FREM1: variants seen among roughly 807,000 people sequenced by gnomAD.
FREM1 encodes the protein FRAS1-related extracellular matrix protein 1.
Under a neutral mutation model 210.1 loss-of-function variants are expected in FREM1, and 220 were observed. The ratio of observed to expected loss-of-function variants is 1.05; its 90% CI spans 0.94 to 1.17. The LOEUF (loss-of-function observed/expected upper bound fraction) is 1.17. Among genes scored for constraint, FREM1 ranks in the 50% most tolerant of loss-of-function variants. The probability of loss-of-function intolerance (pLI) is 0.00; values close to 1 mark genes in which losing one functional copy is unlikely to be tolerated. For synonymous variants in FREM1, 1,189 were observed against 980.2 expected, an observed-to-expected ratio of 1.21 and a Z score of -3.98; for missense variants, 3,454 against 2,675.5, an observed-to-expected ratio of 1.29 and a Z score of -6.42.
chr9:14,860,780 TACATATATACATATATAC>T lies in FREM1; in HGVS notation c.330-1314_330-1297del, dbSNP rs1296092637. ...ATATATGCACATATATACACATATA[TACATATATACATATATAC>T]ACATATATACATATATACACATATA... On this transcript the variant is annotated intron_variant, in intron 3 of 36. Transcript: ENST00000380880. Among the ~76,000 whole-genome samples the T allele has an allele frequency of 6.4e-4, 55 of 85,780 alleles. 6 individuals are homozygous for T. The highest frequency in any genetic ancestry group is 2.9e-4 in the Non-Finnish European group (14 of 47,996). The allele number at this position is 85,780 out of a possible 152,430, so 56.3% of individuals were successfully genotyped here. A position where few individuals can be genotyped will look rare whatever the true frequency, so the allele number is the denominator to read the frequency against.
At position 14,746,379 on chromosome 9, in the gene FREM1, A is replaced by G. The variant is rs772270559; in HGVS notation, c.6228T>C (p.Asn2076=). 6 of 1,613,714 alleles carry G rather than the reference A, an allele frequency of 3.7e-6. No individual in the cohort carries two copies. Among genetic ancestry groups the G allele is most frequent in the South Asian group, 2.2e-5 (2 of 91,076 alleles). ...GTTCCCTGCAAGCTTGGGCAGCCGC[A>G]TTCCAGGTGCCTTTCTGCTCTGTGA... ...ILITEQKGTW[N]AAAQACREQY... is the part of the protein sequence containing the mutation. The change falls in exon 35 of 37, where the codon AAT becomes AAC. Residue 2076 remains asparagine, a synonymous_variant. Transcript: ENST00000380880.
intron 28 of FREM1, among the ~76,000 whole-genome samples, chr9:14,756,975 G>A (rs1056196550): frequency 6.6e-6 from 1 of 152,132 alleles, no homozygotes; most frequent in Admixed American, 6.5e-5. Context: ...TTCCTGTCTG[G>A]ATGAAGCCAT....
At chr9:14,738,781 A>G (rs1472557606) in intron 36 of FREM1, among the ~76,000 whole-genome samples, 1 of 152,056 alleles carries the variant, frequency 6.6e-6, no homozygotes, top group Non-Finnish European at 1.5e-5. Context: ...AGACCGAGGC[A>G]GGTGGATCAC....
chr9:14,831,236 A>G (rs780602713), intron 10 of FREM1, among the ~76,000 whole-genome samples: 12 of 152,080 alleles, frequency 7.9e-5, no homozygotes, highest in Non-Finnish European at 1.3e-4. Context: ...AACCTCAACT[A>G]TCCTGTTGCA....
chr9:14,747,822 G>T, intron 31 of FREM1, 94 bp from the exon 32 acceptor site: 1 of 672,830 alleles, frequency 1.5e-6, no homozygotes, highest in South Asian at 2.3e-5. Context: ...GCTAATGTCT[G>T]AACAATTACA....
intron 6 of FREM1, 23 bp downstream of exon 6, chr9:14,851,261 G>T: frequency 6.5e-7 from 1 of 1,533,476 alleles, no homozygotes; most frequent in East Asian, 2.3e-5. Context: ...AACTAGGCTG[G>T]AAGCTTTGTC....
intron 27 of FREM1, among the ~76,000 whole-genome samples, chr9:14,764,707 G>A (rs78029897): frequency 0.023 from 3,430 of 152,230 alleles, 69 homozygotes; most frequent in Non-Finnish European, 0.028. Context: ...CTGTGACACC[G>A]AATGGTCTGT....
intron 15 of FREM1, among the ~76,000 whole-genome samples, chr9:14,813,386 C>G (rs895108608): frequency 2.0e-5 from 3 of 152,168 alleles, no homozygotes; most frequent in Admixed American, 6.5e-5. Context: ...AGCCCCTATC[C>G]TCTTTCATTA....
At chr9:14,743,642 G>A (rs775313616) in intron 35 of FREM1, among the ~76,000 whole-genome samples, 20 of 151,966 alleles carry the variant, frequency 1.3e-4, no homozygotes, top group Non-Finnish European at 1.8e-4. Context: ...AAGAACCATT[G>A]GAAGATGAAC....
In FREM1 at chr9:14,836,860, G is replaced by C. The variant is rs901709521; in HGVS notation, c.1881+4587C>G. 1.3e-5 allele frequency among the ~76,000 whole-genome samples: 2 copies of C among 152,152 alleles called. No homozygotes were observed. Among genetic ancestry groups the C allele is most frequent in the African/African-American group, 4.8e-5 (2 of 41,438 alleles). On this transcript the variant is annotated intron_variant, in intron 10 of 36. Coordinates refer to ENST00000380880, the MANE Select transcript of FREM1 (RefSeq NM_001379081.2). This position sits in a 1 kb window ranked among gnomAD's most constrained non-coding sequence, Gnocchi z 4.9. The stretch of plus-strand genomic sequence containing the variant: ...AAAACCCCCTAACTGCAGTTAGTGT[G>C]ATATTGCCGCAGGGAGGAATGTGGT...
chr9:14,745,930 A>G (rs1842344692), intron 35 of FREM1, among the ~76,000 whole-genome samples: 1 of 152,178 alleles, frequency 6.6e-6, no homozygotes, highest in Non-Finnish European at 1.5e-5. Flanking sequence ...AAGGCTTTTC[A>G]TTACTATATA....
At chr9:14,823,745 T>C (rs1328921780) in intron 12 of FREM1, among the ~76,000 whole-genome samples, 1 of 152,154 alleles carries the variant, frequency 6.6e-6, no homozygotes, top group Non-Finnish European at 1.5e-5. Context: ...TAAAAACGTA[T>C]ACACCAGATA....
intron 16 of FREM1, among the ~76,000 whole-genome samples, chr9:14,812,243 A>T (rs1283990447): frequency 1.3e-5 from 2 of 152,248 alleles, no homozygotes; most frequent in African/African-American, 4.8e-5. Flanking sequence ...CCTGGGTGAC[A>T]ACATAAAGCA....
rs368725805 is a variant in FREM1 at position 14,748,614 on chromosome 9, G to C, written c.5583C>G (p.Ser1861=). The C allele has an allele frequency of 1.9e-5, 31 of 1,613,248 alleles. No homozygotes were observed. Among genetic ancestry groups the C allele is most frequent in the Non-Finnish European group, 2.6e-5 (31 of 1,179,532 alleles). Residue 1861 remains serine, a synonymous_variant, in exon 31 of 37, where the codon TCC becomes TCG. Coordinates refer to ENST00000380880, the MANE Select transcript of FREM1 (RefSeq NM_001379081.2). ...KGGQCHPSYS[S]NQSKHSTWEK... is the part of the protein sequence containing the mutation. ...CCCATGTGCTGTGCTTGCTTTGGTT[G>C]GAGGAATATGAAGGATGGCATTGTC...
At chr9:14,886,895 CAAAAA>C (rs59827471) in intron 1 of FREM1, among the ~76,000 whole-genome samples, 957 of 95,516 alleles carry the variant, frequency 0.01, 8 homozygotes, top group African/African-American at 0.034. Flanking sequence ...GACCTTGTTT[CAAAAA>C]AAAAAAAAAA....
chr9:14,858,618 T>A (rs972840511), intron 4 of FREM1, among the ~76,000 whole-genome samples: 2 of 152,118 alleles, frequency 1.3e-5, no homozygotes, highest in African/African-American at 4.8e-5. Context: ...GCTATGATTA[T>A]CCCTTATATT....
At position 14,861,076 on chromosome 9, in the gene FREM1, T is replaced by C. The variant is rs186522446; in HGVS notation, c.330-1592A>G. On this transcript the variant is annotated intron_variant, in intron 3 of 36. Transcript: ENST00000380880. ...ATACATATATACACATATACATATA[T>C]ACATATATACACATATATATAAACA... Among the ~76,000 whole-genome samples the C allele has an allele frequency of 2.0e-4, 14 of 71,366 alleles. No homozygotes were observed. In the South Asian group the frequency reaches 2.8e-3, roughly 14 times the overall value. The allele number at this position is 71,366 out of a possible 152,430, so 46.8% of individuals were successfully genotyped here. A position where few individuals can be genotyped will look rare whatever the true frequency, so the allele number is the denominator to read the frequency against.
intron 1 of FREM1, among the ~76,000 whole-genome samples, chr9:14,884,185 C>T (rs1478334549): frequency 1.3e-5 from 2 of 151,914 alleles, no homozygotes; most frequent in East Asian, 1.9e-4. Context: ...GCCAAGATCG[C>T]GCCACTGCAC....
chr9:14,817,585 T>C (rs998147816), intron 14 of FREM1, among the ~76,000 whole-genome samples: 1 of 152,228 alleles, frequency 6.6e-6, no homozygotes, highest in Non-Finnish European at 1.5e-5. Flanking sequence ...TCTAAGGAGC[T>C]GCTGAAGTGA....
Sources: allele counts gnomAD v4.1 joint callset (sites outside exome capture counted in the v4.1 genomes callset), GRCh38; gene constraint gnomAD v4.1.1; non-coding constraint Gnocchi (gnomAD v3.1); transcripts MANE v1.5; gene names NCBI Gene and HGNC (gene_info 2026-07-23, HGNC 2026-07-21).